The following SOS1 variants were observed in gnomAD, a reference collection of about 807,000 sequenced individuals.
SOS1 encodes the protein SOS Ras/Rac guanine nucleotide exchange factor 1.
Under a neutral mutation model 157.6 loss-of-function variants are expected in SOS1, and 25 were observed. The observed-to-expected ratio is 0.16, with a 90% confidence interval of 0.12 to 0.22. SOS1 has a LOEUF of 0.22. Ranked by LOEUF, SOS1 falls within the 10% of genes least tolerant of loss-of-function variation. The pLI is 1.00. For missense variants in SOS1, 1,237 were observed against 1,599.1 expected (o/e 0.77, Z 3.86); for synonymous variants, 528 against 534.0 (o/e 0.99, Z 0.16).
rs2124607438 is a variant in SOS1, at chr2:39,056,824, T to C, written c.388A>G (p.Ile130Val). ...YKIDHQVSVY[I>V]VAVLEYISAD... ...GAAATGTATTCTAAGACTGCTACTA[T>C]GTAAACAGAAACCTGGTGGTCAATT... The change falls in exon 4 of 23, where the codon ATA becomes GTA. Residue 130 changes from isoleucine (I) to valine (V), a missense_variant. Around this residue, in one of 15 missense-constraint regions of SOS1, gnomAD observed 37 missense variants for 38.5 expected, o/e 0.96. Coordinates refer to ENST00000402219, the MANE Select transcript of SOS1 (RefSeq NM_005633.4). 6 of 1,609,998 alleles carry C rather than the reference T, an allele frequency of 3.7e-6. No individual in the cohort carries two copies. The highest frequency in any genetic ancestry group is 1.3e-5 in the African/African-American group (1 of 74,966).
chr2:39,041,817 T>A (rs1375957007), intron 6 of SOS1, among the ~76,000 whole-genome samples: 4 of 152,212 alleles, frequency 2.6e-5, no homozygotes, highest in Non-Finnish European at 4.4e-5. Flanking sequence ...AACCTTCCTA[T>A]GTCAAAGTCA....
chr2:39,096,720 C>T (rs970718779), intron 1 of SOS1, among the ~76,000 whole-genome samples: 1 of 152,032 alleles, frequency 6.6e-6, no homozygotes, highest in East Asian at 1.9e-4. Context: ...CCCGTCTCTA[C>T]TAAAAATACA....
At chr2:39,000,423 T>C (rs923171459) in intron 17 of SOS1, among the ~76,000 whole-genome samples, 2 of 151,268 alleles carry the variant, frequency 1.3e-5, no homozygotes, top group Admixed American at 6.6e-5. Context: ...AAAGCTTAGG[T>C]TTTTTTTTCA....
intron 20 of SOS1, among the ~76,000 whole-genome samples, chr2:38,994,671 A>G (rs1012130816): frequency 1.3e-5 from 2 of 152,214 alleles, no homozygotes; most frequent in African/African-American, 2.4e-5. Flanking sequence ...TTTGAGCATT[A>G]TGTTGACACT....
chr2:39,061,241 C>T (rs1351730716), intron 2 of SOS1, among the ~76,000 whole-genome samples: 2 of 96,856 alleles, frequency 2.1e-5, no homozygotes, highest in Admixed American at 1.4e-4. Context: ...CGGAAAGATT[C>T]GTAGGGTTAA....
intron 1 of SOS1, among the ~76,000 whole-genome samples, chr2:39,110,405 GAC>G (rs1169186017): frequency 6.8e-6 from 1 of 147,892 alleles, no homozygotes; most frequent in Admixed American, 6.6e-5. Flanking sequence ...AGATGCAGAG[GAC>G]TGACTGCATA....
intron 22 of SOS1, among the ~76,000 whole-genome samples, chr2:38,986,878 C>A (rs1226313491): frequency 1.3e-5 from 2 of 152,116 alleles, no homozygotes; most frequent in African/African-American, 4.8e-5. Context: ...TCATGAAGTT[C>A]TACAAAGAGT....
intron 14 of SOS1, 74 bp downstream of exon 14, chr2:39,012,052 G>T: frequency 9.2e-7 from 1 of 1,088,102 alleles, no homozygotes; most frequent in Non-Finnish European, 1.4e-6. Context: ...ACCCTATAAG[G>T]CAGAAATCAG....
chr2:39,053,631 G>C (rs916570000), intron 5 of SOS1, among the ~76,000 whole-genome samples: 2 of 152,062 alleles, frequency 1.3e-5, no homozygotes, highest in Non-Finnish European at 2.9e-5. Context: ...AGTGAGCACT[G>C]TTTCTCTTAT....
chr2:39,081,829 A>G (rs573311727), intron 1 of SOS1, among the ~76,000 whole-genome samples: 1 of 152,304 alleles, frequency 6.6e-6, no homozygotes, highest in South Asian at 2.1e-4. Flanking sequence ...AAAAAAAAGA[A>G]TGTTCATAGT....
intron 17 of SOS1, among the ~76,000 whole-genome samples, chr2:39,002,323 T>A (rs4643520): frequency 5.2e-4 from 79 of 151,326 alleles, no homozygotes; most frequent in Middle Eastern, 3.4e-3. Flanking sequence ...GAAACTGTCT[T>A]AAAAAAAAAG....
At position 39,012,111 on chromosome 2, in the gene SOS1, T is replaced by A; in HGVS notation, c.2390+15A>T. 6.5e-7 allele frequency: 1 copy of A among 1,545,438 alleles called. No individual in the cohort carries two copies. The highest frequency in any genetic ancestry group is 8.9e-7 in the Non-Finnish European group (1 of 1,117,432). On this transcript the variant is annotated intron_variant, in intron 14 of 22. Coordinates refer to ENST00000402219, the MANE Select transcript of SOS1 (RefSeq NM_005633.4). Reference sequence around the variant, plus strand: ...TTTTGAAATGACTTTTCAACTTGAATGTTAAATTACATACCGGTATAGATC... The same window carrying A: ...TTTTGAAATGACTTTTCAACTTGAAAGTTAAATTACATACCGGTATAGATC...
rs566623886 is a variant in SOS1, at chr2:39,040,207, T to C, written c.865-4707A>G. 7.8e-3 allele frequency among the ~76,000 whole-genome samples: 1,179 copies of C among 151,892 alleles called. 9 individuals are homozygous for C. The highest frequency in any genetic ancestry group is 0.022 in the African/African-American group (895 of 41,414). ...TTTTTTTTGTATTTTTTAGTAGAGATGGCGTTTCACCGTGTTAGCCAGGAT... is the reference window on the plus strand; with the variant it reads ...TTTTTTTTGTATTTTTTAGTAGAGACGGCGTTTCACCGTGTTAGCCAGGAT... On this transcript the variant is annotated intron_variant, in intron 6 of 22. Coordinates refer to ENST00000402219, the MANE Select transcript of SOS1 (RefSeq NM_005633.4).
At chr2:39,044,564 T>C (rs1670685651) in intron 6 of SOS1, among the ~76,000 whole-genome samples, 1 of 152,200 alleles carries the variant, frequency 6.6e-6, no homozygotes, top group Non-Finnish European at 1.5e-5. Flanking sequence ...AAGGCAACAG[T>C]ATTAAGATGT....
chr2:39,095,300 T>C (rs1443546509), intron 1 of SOS1, among the ~76,000 whole-genome samples: 1 of 152,174 alleles, frequency 6.6e-6, no homozygotes, highest in Non-Finnish European at 1.5e-5. Flanking sequence ...CTCCTGAGAA[T>C]ATCTAGAGAC....
intron 20 of SOS1, among the ~76,000 whole-genome samples, chr2:38,994,571 A>T (rs968277735): frequency 6.6e-6 from 1 of 152,214 alleles, no homozygotes; most frequent in Admixed American, 6.5e-5. Context: ...GCTTGGGACC[A>T]AAAGTGTTCT....
chr2:39,115,630 G>C (rs1673622357), intron 1 of SOS1, among the ~76,000 whole-genome samples: 2 of 151,758 alleles, frequency 1.3e-5, no homozygotes, highest in African/African-American at 4.8e-5. Context: ...TAGAGACAGG[G>C]TTTCATTATG....
chr2:38,986,964 C>G (rs1226427036), intron 22 of SOS1, among the ~76,000 whole-genome samples: 1 of 148,590 alleles, frequency 6.7e-6, no homozygotes, highest in Non-Finnish European at 1.5e-5. Flanking sequence ...AACAGCTGGC[C>G]AAAAAGAAAA....
chr2:39,051,128 T>A lies in SOS1; in HGVS notation c.864+16A>T. 6.2e-7 allele frequency: 1 copy of A among 1,612,500 alleles called. No individual in the cohort carries two copies. Among genetic ancestry groups the A allele is most frequent in the Non-Finnish European group, 8.5e-7 (1 of 1,178,630 alleles). On this transcript the variant is annotated intron_variant, in intron 6 of 22. Coordinates refer to ENST00000402219, the MANE Select transcript of SOS1 (RefSeq NM_005633.4). Reference sequence around the variant, plus strand: ...CTTTTATGCAGACTTTTCGGGTATATAATTGAAGTACTTACCTCTGCTAAG... The same window carrying A: ...CTTTTATGCAGACTTTTCGGGTATAAAATTGAAGTACTTACCTCTGCTAAG...
Sources: gnomAD v4.1 joint callset for allele counts (sites outside exome capture counted in the v4.1 genomes callset) on GRCh38, gnomAD v4.1.1 for gene constraint, gnomAD v4.1.1 regional missense constraint, MANE v1.5 for transcripts, NCBI Gene and HGNC (gene_info 2026-07-23, HGNC 2026-07-21) for gene names.